The following CTNNA3 variants were observed in gnomAD, a reference collection of about 807,000 sequenced individuals.
CTNNA3 encodes catenin alpha-3.
CTNNA3 carries 76 observed loss-of-function variants against 95.7 expected under a neutral mutation model. The observed-to-expected ratio is 0.79, with a 90% CI of 0.66 to 0.96. CTNNA3 has a LOEUF of 0.96. Among genes scored for constraint, CTNNA3 ranks in the 40% least tolerant of loss-of-function variants. The pLI is 0.00. For synonymous variants in CTNNA3, 431 were observed against 374.4 expected (o/e 1.15, Z -1.74); for missense variants, 1,191 against 1,089.8 (o/e 1.09, Z -1.31).
At chr10:67,411,977 A>G (rs1214779072) in intron 5 of CTNNA3, among the ~76,000 whole-genome samples, 1 of 152,144 alleles carries the variant, frequency 6.6e-6, no homozygotes, top group Non-Finnish European at 1.5e-5. Context: ...CTGTGCAAAG[A>G]AGCCTTTCTG....
chr10:67,181,927 A>G (rs1862568955), intron 6 of CTNNA3, among the ~76,000 whole-genome samples: 1 of 152,110 alleles, frequency 6.6e-6, no homozygotes, highest in Non-Finnish European at 1.5e-5. Context: ...TCATGAGTGA[A>G]CTCCCATTCA....
chr10:65,940,791 G>T (rs527670437), intron 17 of CTNNA3, among the ~76,000 whole-genome samples: 92 of 152,230 alleles, frequency 6.0e-4, no homozygotes, highest in African/African-American at 1.9e-3. Flanking sequence ...AACTTGCAAT[G>T]CCATTCACAA....
chr10:67,055,717 G>A (rs1296220896), intron 7 of CTNNA3, among the ~76,000 whole-genome samples: 1 of 152,074 alleles, frequency 6.6e-6, no homozygotes, highest in Non-Finnish European at 1.5e-5. Flanking sequence ...GTAAGGCTTG[G>A]GAATTTCAGA....
At chr10:67,394,354 T>C (rs972839094) in intron 5 of CTNNA3, among the ~76,000 whole-genome samples, 1 of 149,884 alleles carries the variant, frequency 6.7e-6, no homozygotes, top group Admixed American at 6.7e-5. Flanking sequence ...TGGGCAATGC[T>C]GTAAAACAGC....
At chr10:67,260,064 T>C (rs890793043) in intron 5 of CTNNA3, among the ~76,000 whole-genome samples, 27 of 152,342 alleles carry the variant, frequency 1.8e-4, no homozygotes, top group African/African-American at 6.0e-4. Flanking sequence ...TCAAGTAACA[T>C]GTATTTGCTC....
chr10:66,561,094 C>T (rs1842540156), intron 10 of CTNNA3, among the ~76,000 whole-genome samples: 1 of 151,924 alleles, frequency 6.6e-6, no homozygotes, highest in African/African-American at 2.4e-5. Flanking sequence ...AAAATAAAAA[C>T]TTTAAACTCA....
intron 11 of CTNNA3, among the ~76,000 whole-genome samples, chr10:66,472,226 T>A (rs1839162117): frequency 6.9e-6 from 1 of 144,206 alleles, no homozygotes; most frequent in Admixed American, 6.9e-5. Context: ...TGAATTTAGA[T>A]TTTTTTTTTT....
chr10:67,344,790 C>A (rs940135795), intron 5 of CTNNA3, among the ~76,000 whole-genome samples: 36 of 152,004 alleles, frequency 2.4e-4, no homozygotes, highest in African/African-American at 8.7e-4. Context: ...TTTTAAAACA[C>A]CAACTTTTTG....
intron 12 of CTNNA3, among the ~76,000 whole-genome samples, chr10:66,367,876 TAATA>T (rs1216439792): frequency 3.6e-3 from 49 of 13,500 alleles, no homozygotes; most frequent in African/African-American, 0.011. Context: ...ATAATAATAA[TAATA>T]ATTATTATTA....
intron 7 of CTNNA3, among the ~76,000 whole-genome samples, chr10:66,778,705 G>A (rs1037365744): frequency 2.9e-4 from 44 of 152,142 alleles, no homozygotes; most frequent in African/African-American, 9.4e-4. Flanking sequence ...GGCCGAGTGC[G>A]GTGGCTCAGC....
chr10:66,238,681 AAT>A (rs57015862), intron 13 of CTNNA3, among the ~76,000 whole-genome samples: 120,162 of 150,640 alleles, frequency 0.8, 48,408 homozygotes, highest in South Asian at 0.94. Context: ...TAAATGTCCA[AAT>A]ATATATATAT....
At chr10:66,625,968 AT>A (rs60954144) in intron 9 of CTNNA3, among the ~76,000 whole-genome samples, 3,488 of 152,182 alleles carry the variant, frequency 0.023, 139 homozygotes, top group African/African-American at 0.08. Flanking sequence ...TGAAACAGAT[AT>A]TTTGAGATGG....
At chr10:66,249,786 T>G (rs1348518039) in intron 13 of CTNNA3, among the ~76,000 whole-genome samples, 2 of 152,206 alleles carry the variant, frequency 1.3e-5, no homozygotes, top group African/African-American at 4.8e-5. Context: ...ATAGCACCAC[T>G]GCACTCCAGC....
chr10:66,502,471 A>G (rs1422627351), intron 11 of CTNNA3, among the ~76,000 whole-genome samples: 1 of 152,104 alleles, frequency 6.6e-6, no homozygotes, highest in Non-Finnish European at 1.5e-5. Flanking sequence ...ATTTTGCTCT[A>G]ATTTTTAAAG....
At chr10:65,965,033 G>T (rs1377889420) in intron 17 of CTNNA3, among the ~76,000 whole-genome samples, 1 of 152,152 alleles carries the variant, frequency 6.6e-6, no homozygotes, top group African/African-American at 2.4e-5. Flanking sequence ...CACTAGTAAT[G>T]CACTCACTGT....
At chr10:66,195,115 C>T (rs1221243330) in intron 13 of CTNNA3, among the ~76,000 whole-genome samples, 1 of 151,988 alleles carries the variant, frequency 6.6e-6, no homozygotes, top group African/African-American at 2.4e-5. Context: ...GGAGCTTGAT[C>T]ATATTGGCCA....
intron 5 of CTNNA3, among the ~76,000 whole-genome samples, chr10:67,400,569 A>T (rs10762168): frequency 0.18 from 27,078 of 152,046 alleles, 3,453 homozygotes; most frequent in African/African-American, 0.34. Context: ...TTTGTTTGGT[A>T]ATCAAAGGCT....
At chr10:66,290,186 A>G (rs767813731) in intron 12 of CTNNA3, among the ~76,000 whole-genome samples, 2 of 152,036 alleles carry the variant, frequency 1.3e-5, no homozygotes, top group Non-Finnish European at 2.9e-5. Flanking sequence ...TAACTCTCCT[A>G]CATCTCCCCC....
At chr10:67,417,884 T>G (rs1845599673) in intron 5 of CTNNA3, among the ~76,000 whole-genome samples, 2 of 152,190 alleles carry the variant, frequency 1.3e-5, no homozygotes, top group African/African-American at 2.4e-5. Flanking sequence ...TTAAAGCATA[T>G]GTCCACACAA....
Sources: allele counts gnomAD v4.1 joint callset (sites outside exome capture counted in the v4.1 genomes callset), GRCh38; gene constraint gnomAD v4.1.1; transcripts MANE v1.5; gene names NCBI Gene and HGNC (gene_info 2026-07-23, HGNC 2026-07-21).